The following RAB3C variants were observed in gnomAD, a reference collection of about 807,000 sequenced individuals.
The protein encoded by RAB3C is RAB3C, member RAS oncogene family.
In RAB3C, 17 loss-of-function variants were observed where a neutral mutation model predicts 26.4. The ratio of observed to expected loss-of-function variants is 0.64; its 90% CI spans 0.44 to 0.97. The LOEUF (loss-of-function observed/expected upper bound fraction) is 0.97. Among genes scored for constraint, RAB3C ranks in the 50% least tolerant of loss-of-function variants. RAB3C has a pLI of 0.00. For synonymous variants in RAB3C, 91 were observed against 95.9 expected, an observed-to-expected ratio of 0.95 and a Z score of 0.30; for missense variants, 242 against 281.9, an observed-to-expected ratio of 0.86 and a Z score of 1.01.
chr5:58,674,357 A>G (rs1748181388), intron 2 of RAB3C, among the ~76,000 whole-genome samples: 1 of 152,196 alleles, frequency 6.6e-6, no homozygotes, highest in African/African-American at 2.4e-5. Context: ...ATATATTAAT[A>G]TGTTTTTTAG....
At chr5:58,715,285 T>G (rs1749147770) in intron 2 of RAB3C, among the ~76,000 whole-genome samples, 3 of 151,762 alleles carry the variant, frequency 2.0e-5, no homozygotes, top group Admixed American at 2.0e-4. Context: ...TAAAAGTATT[T>G]TTTTTTTCCT....
At chr5:58,724,459 A>G (rs1740838845) in intron 2 of RAB3C, among the ~76,000 whole-genome samples, 1 of 151,838 alleles carries the variant, frequency 6.6e-6, no homozygotes, top group African/African-American at 2.4e-5. Flanking sequence ...TCTTAAAAGC[A>G]GGGACCTTTT....
chr5:58,745,392 C>CAAAAAAAAAAAAAAAAAAAAA (rs1173604247), intron 3 of RAB3C, among the ~76,000 whole-genome samples: 2 of 33,110 alleles, frequency 6.0e-5, no homozygotes, highest in African/African-American at 1.9e-4. Context: ...GACTCTGCTT[C>CAAAAAAAAAAAAAAAAAAAAA]AAAAAAAAAA....
chr5:58,819,598 G>A (rs1167433792), intron 3 of RAB3C, among the ~76,000 whole-genome samples: 1 of 152,178 alleles, frequency 6.6e-6, no homozygotes, highest in Non-Finnish European at 1.5e-5. Context: ...TCTACGGCTG[G>A]GCACGGTGGC....
At chr5:58,625,434 A>G (rs1374281375) in intron 2 of RAB3C, among the ~76,000 whole-genome samples, 1 of 152,208 alleles carries the variant, frequency 6.6e-6, no homozygotes, top group Non-Finnish European at 1.5e-5. Flanking sequence ...TTCCAGGAAT[A>G]CATAAGGTAA....
Position 58,731,324 on chromosome 5 carries a change from T to C in RAB3C, c.371+5204T>C, listed in dbSNP as rs118012170. Among the ~76,000 whole-genome samples the C allele has an allele frequency of 2.5e-4, 38 of 152,274 alleles. No individual in the cohort carries two copies. In the East Asian group the frequency reaches 6.6e-3, roughly 26 times the overall value. ...AAATTCCCCAGTTCTGTAAAATTAA[T>C]ACAAAATTAAGCTCACTGTAAGCCT... On this transcript the variant is annotated intron_variant, in intron 3 of 4. Coordinates refer to ENST00000282878, the MANE Select transcript of RAB3C (RefSeq NM_138453.4).
At chr5:58,703,774 T>C (rs1579868598) in intron 2 of RAB3C, among the ~76,000 whole-genome samples, 1 of 152,164 alleles carries the variant, frequency 6.6e-6, no homozygotes, top group South Asian at 2.1e-4. Flanking sequence ...CAAATTTTGA[T>C]GCGTAATAAA....
intron 3 of RAB3C, among the ~76,000 whole-genome samples, chr5:58,786,499 G>C (rs1258223461): frequency 6.6e-6 from 1 of 151,978 alleles, no homozygotes; most frequent in African/African-American, 2.4e-5. Context: ...TCTCCTCCCC[G>C]CCCCTTCAGC....
chr5:58,610,496 T>C (rs1413394047), intron 1 of RAB3C, among the ~76,000 whole-genome samples: 2 of 152,130 alleles, frequency 1.3e-5, no homozygotes, highest in East Asian at 1.9e-4. Flanking sequence ...TTTTCTAATA[T>C]TAACAATGTT....
intron 2 of RAB3C, among the ~76,000 whole-genome samples, chr5:58,661,600 C>T (rs1044939504): frequency 4.1e-5 from 6 of 147,498 alleles, no homozygotes; most frequent in Admixed American, 6.7e-5. Flanking sequence ...TTTGATCAAA[C>T]ACACAAGATC....
intron 4 of RAB3C, among the ~76,000 whole-genome samples, chr5:58,848,102 T>C (rs2432062): frequency 0.84 from 127,440 of 152,148 alleles, 54,095 homozygotes; most frequent in Middle Eastern, 0.93. Flanking sequence ...GTGATCCACC[T>C]GCCTCAGCCT....
At chr5:58,731,476 T>G (rs1271445908) in intron 3 of RAB3C, among the ~76,000 whole-genome samples, 1 of 152,156 alleles carries the variant, frequency 6.6e-6, no homozygotes, top group Non-Finnish European at 1.5e-5. Context: ...GGATGATGGT[T>G]TGTAGCTGTC....
At chr5:58,709,816 C>G (rs1215362634) in intron 2 of RAB3C, among the ~76,000 whole-genome samples, 1 of 152,106 alleles carries the variant, frequency 6.6e-6, no homozygotes, top group Non-Finnish European at 1.5e-5. Flanking sequence ...GCAATTGAAG[C>G]CATTTCTGGA....
At chr5:58,663,928 C>T (rs982589374) in intron 2 of RAB3C, among the ~76,000 whole-genome samples, 2 of 152,156 alleles carry the variant, frequency 1.3e-5, no homozygotes, top group African/African-American at 2.4e-5. Flanking sequence ...TTCTTAGTAT[C>T]GTAATAGTGC....
rs1399269938 is a variant in RAB3C at position 58,605,819 on chromosome 5, C to T, written c.25-11824C>T. Among the ~76,000 whole-genome samples the T allele has an allele frequency of 3.9e-5, 6 of 152,214 alleles. No individual in the cohort carries two copies. In the East Asian group the frequency reaches 5.8e-4, roughly 15 times the overall value. On this transcript the variant is annotated intron_variant, in intron 1 of 4. Transcript: ENST00000282878. Reference sequence around the variant, plus strand: ...ACTTGGGAGGCTGAGACAGGAGTCTCGCTTACACCCGGGAGGTAGAGGTTG... The same window carrying T: ...ACTTGGGAGGCTGAGACAGGAGTCTTGCTTACACCCGGGAGGTAGAGGTTG...
At chr5:58,822,977 A>C in intron 3 of RAB3C, 1 of 625,262 alleles carries the variant, frequency 1.6e-6, no homozygotes, top group Admixed American at 1.8e-5. Context: ...CATCACTGGC[A>C]ATAAAGTTTT....
At chr5:58,792,896 T>C (rs1425103093) in intron 3 of RAB3C, among the ~76,000 whole-genome samples, 1 of 152,132 alleles carries the variant, frequency 6.6e-6, no homozygotes, top group African/African-American at 2.4e-5. Flanking sequence ...TGTTAGAATT[T>C]ACACTAAGAA....
chr5:58,777,182 C>A (rs1019482831), intron 3 of RAB3C, among the ~76,000 whole-genome samples: 4 of 152,184 alleles, frequency 2.6e-5, no homozygotes, highest in South Asian at 2.1e-4. Flanking sequence ...TTTGACACAG[C>A]TTTCCTCTCT....
At chr5:58,805,085 AGT>A (rs1742905861) in intron 3 of RAB3C, among the ~76,000 whole-genome samples, 1 of 152,086 alleles carries the variant, frequency 6.6e-6, no homozygotes, top group Non-Finnish European at 1.5e-5. Flanking sequence ...TTTTCACCAA[AGT>A]GTACTCATTC....
Sources: allele counts gnomAD v4.1 joint callset (sites outside exome capture counted in the v4.1 genomes callset), GRCh38; gene constraint gnomAD v4.1.1; transcripts MANE v1.5; gene names NCBI Gene and HGNC (gene_info 2026-07-23, HGNC 2026-07-21).